Variants in HS6ST3 observed in about 807,000 individuals in gnomAD.
HS6ST3 encodes the protein heparan-sulfate 6-O-sulfotransferase 3.
In HS6ST3, 12 loss-of-function variants were observed where a neutral mutation model predicts 36.7. That is an observed-to-expected ratio of 0.33 (90% CI 0.21 to 0.53). The LOEUF is 0.53. HS6ST3 is among the 20% of genes least tolerant of loss of function. The pLI is 0.95. For missense variants in HS6ST3, 584 were observed against 640.9 expected, an observed-to-expected ratio of 0.91 and a Z score of 0.96; for synonymous variants, 240 against 257.5, an observed-to-expected ratio of 0.93 and a Z score of 0.65.
chr13:96,677,535 T>A (rs1594833807), intron 1 of HS6ST3, among the ~76,000 whole-genome samples: 2 of 152,106 alleles, frequency 1.3e-5, no homozygotes, highest in East Asian at 3.9e-4. Context: ...TATGCATATA[T>A]GTGTGTGTGT....
intron 1 of HS6ST3, among the ~76,000 whole-genome samples, chr13:96,725,034 A>C (rs142432600): frequency 6.6e-6 from 1 of 152,322 alleles, no homozygotes; most frequent in African/African-American, 2.4e-5. Context: ...ATTACTCCGC[A>C]TTGTCCCGGA....
At chr13:96,483,887 T>C (rs1276611743) in intron 1 of HS6ST3, among the ~76,000 whole-genome samples, 1 of 152,166 alleles carries the variant, frequency 6.6e-6, no homozygotes, top group African/African-American at 2.4e-5. Context: ...GCACTTAACA[T>C]TTAGGTCTGT....
intron 1 of HS6ST3, among the ~76,000 whole-genome samples, chr13:96,769,012 T>G (rs1424716869): frequency 6.6e-6 from 1 of 152,086 alleles, no homozygotes; most frequent in East Asian, 1.9e-4. Flanking sequence ...ATGTTGCTGG[T>G]CCATGAGCCA....
chr13:96,122,110 G>GTATTATTATTATTAT (rs55776008), intron 1 of HS6ST3, among the ~76,000 whole-genome samples: 8,278 of 145,104 alleles, frequency 0.057, 303 homozygotes, highest in African/African-American at 0.092. Flanking sequence ...ACCCTTTCAG[G>GTATTATTATTATTAT]TATTATTATT....
chr13:96,301,101 C>T (rs1342047896), intron 1 of HS6ST3, among the ~76,000 whole-genome samples: 1 of 152,136 alleles, frequency 6.6e-6, no homozygotes, highest in East Asian at 1.9e-4. Context: ...CTGTGCAAAC[C>T]AAGATGTATG....
At position 96,182,604 on chromosome 13, in the gene HS6ST3, G is replaced by A. The variant is rs370537989; in HGVS notation, c.707+91035G>A. Reference sequence around the variant, plus strand: ...GCAGATTAAAAATAACTATATTGTCGTTACTTTGCCTTTTCTTCTTGTTCA... The same window carrying A: ...GCAGATTAAAAATAACTATATTGTCATTACTTTGCCTTTTCTTCTTGTTCA... On this transcript the variant is annotated intron_variant, in intron 1 of 1. Transcript: ENST00000376705. Among the ~76,000 whole-genome samples the A allele has an allele frequency of 5.3e-5, 8 of 152,184 alleles. No homozygotes were observed. The East Asian group carries it at 5.8e-4, about 11-fold the overall frequency.
At chr13:96,455,543 G>T (rs369291355) in intron 1 of HS6ST3, among the ~76,000 whole-genome samples, 44 of 152,050 alleles carry the variant, frequency 2.9e-4, no homozygotes, top group Middle Eastern at 6.8e-3. Flanking sequence ...AGGGTAATTG[G>T]GTATCAGTCT....
intron 1 of HS6ST3, among the ~76,000 whole-genome samples, chr13:96,177,708 T>C (rs1594705430): frequency 6.6e-6 from 1 of 151,782 alleles, no homozygotes; most frequent in South Asian, 2.1e-4. Flanking sequence ...ACCTGGGTGA[T>C]GGAATATTAA....
At chr13:96,457,936 G>A (rs2055762250) in intron 1 of HS6ST3, among the ~76,000 whole-genome samples, 1 of 151,752 alleles carries the variant, frequency 6.6e-6, no homozygotes, top group South Asian at 2.1e-4. Context: ...AAGGCTAAGA[G>A]TCTATACTAC....
intron 1 of HS6ST3, among the ~76,000 whole-genome samples, chr13:96,829,861 C>T (rs762986568): frequency 1.1e-4 from 16 of 152,008 alleles, no homozygotes; most frequent in Non-Finnish European, 7.4e-5. Flanking sequence ...GCTTTATAAC[C>T]GATAATGAGA....
intron 1 of HS6ST3, among the ~76,000 whole-genome samples, chr13:96,481,136 C>T (rs965372829): frequency 6.6e-6 from 1 of 152,114 alleles, no homozygotes; most frequent in Non-Finnish European, 1.5e-5. Flanking sequence ...AATTAACTCC[C>T]AAGTACCTCA....
intron 1 of HS6ST3, among the ~76,000 whole-genome samples, chr13:96,742,172 C>G (rs1022306588): frequency 6.6e-6 from 1 of 152,006 alleles, no homozygotes. Context: ...AGAAAGAAAA[C>G]AGTGTATGTC....
intron 1 of HS6ST3, among the ~76,000 whole-genome samples, chr13:96,328,435 T>G (rs1018482028): frequency 6.6e-5 from 10 of 152,236 alleles, no homozygotes; most frequent in East Asian, 1.9e-4. Flanking sequence ...TCTATTGAGA[T>G]AATCATGTGG....
At chr13:96,516,690 T>G (rs1299384809) in intron 1 of HS6ST3, among the ~76,000 whole-genome samples, 1 of 152,224 alleles carries the variant, frequency 6.6e-6, no homozygotes, top group Admixed American at 6.5e-5. Flanking sequence ...AGAATTTCAA[T>G]GAACACATTT....
At chr13:96,456,270 T>G (rs1243738944) in intron 1 of HS6ST3, among the ~76,000 whole-genome samples, 1 of 152,184 alleles carries the variant, frequency 6.6e-6, no homozygotes, top group Non-Finnish European at 1.5e-5. Flanking sequence ...CTGTATAATC[T>G]GCATCTTGAC....
chr13:96,339,154 AG>A (rs2055117403), intron 1 of HS6ST3, among the ~76,000 whole-genome samples: 1 of 152,204 alleles, frequency 6.6e-6, no homozygotes, highest in South Asian at 2.1e-4. Flanking sequence ...GACTGAGCCA[AG>A]TGTGGTGTGT....
intron 1 of HS6ST3, among the ~76,000 whole-genome samples, chr13:96,151,424 G>C (rs1333642134): frequency 6.8e-6 from 1 of 146,516 alleles, no homozygotes; most frequent in Non-Finnish European, 1.5e-5. Context: ...AAAAAAAAGA[G>C]ACTGTCTGGA....
At chr13:96,825,283 C>T (rs1383970064) in intron 1 of HS6ST3, among the ~76,000 whole-genome samples, 1 of 152,166 alleles carries the variant, frequency 6.6e-6, no homozygotes, top group Non-Finnish European at 1.5e-5. Flanking sequence ...TTGTTTTAAT[C>T]ACCACCAGCA....
intron 1 of HS6ST3, among the ~76,000 whole-genome samples, chr13:96,500,520 G>A (rs1395209748): frequency 2.0e-5 from 3 of 152,082 alleles, no homozygotes; most frequent in Admixed American, 2.0e-4. Context: ...AGGTATACGT[G>A]GGGGGACCAA....
Sources: gnomAD v4.1 joint callset for allele counts (sites outside exome capture counted in the v4.1 genomes callset) on GRCh38, gnomAD v4.1.1 for gene constraint, MANE v1.5 for transcripts, NCBI Gene and HGNC (gene_info 2026-07-23, HGNC 2026-07-21) for gene names.